PTPN5: variants seen among roughly 807,000 people sequenced by gnomAD.
PTPN5 encodes the protein protein tyrosine phosphatase non-receptor type 5, also known as tyrosine-protein phosphatase non-receptor type 5.
In PTPN5, 29 loss-of-function variants were observed where a neutral mutation model predicts 73.9. That is an observed-to-expected ratio of 0.39 (90% CI 0.29 to 0.54). The LOEUF (loss-of-function observed/expected upper bound fraction) is 0.54, where lower values mean the gene tolerates loss of function less well. Ranked by LOEUF, PTPN5 falls within the 20% of genes least tolerant of loss-of-function variation. The probability of loss-of-function intolerance (pLI) is 0.65; values close to 1 mark genes in which losing one functional copy is unlikely to be tolerated. For missense variants in PTPN5, 652 were observed against 751.4 expected (o/e 0.87, Z 1.55); for synonymous variants, 267 against 304.7 (o/e 0.88, Z 1.29).
chr11:18,749,747 C>A (rs2134247845), intron 3 of PTPN5, among the ~76,000 whole-genome samples: 1 of 152,304 alleles, frequency 6.6e-6, no homozygotes, highest in East Asian at 1.9e-4. Flanking sequence ...CCAAATCCCA[C>A]CATTGAACTC....
chr11:18,740,370 A>T, intron 8 of PTPN5: 1 of 381,940 alleles, frequency 2.6e-6, no homozygotes, highest in Non-Finnish European at 4.7e-6. Context: ...TGCACATGTT[A>T]TAAGTCTCTT....
intron 3 of PTPN5, among the ~76,000 whole-genome samples, chr11:18,750,651 G>C (rs928807321): frequency 6.6e-6 from 1 of 152,240 alleles, no homozygotes; most frequent in Non-Finnish European, 1.5e-5. Flanking sequence ...CTCCTGTGAA[G>C]AGATGAATCC....
At chr11:18,756,552 C>T (rs1435933541) in intron 3 of PTPN5, among the ~76,000 whole-genome samples, 4 of 151,996 alleles carry the variant, frequency 2.6e-5, no homozygotes, top group Non-Finnish European at 4.4e-5. Context: ...CCGTCTCAGC[C>T]TCCCAAAATG....
intron 9 of PTPN5, among the ~76,000 whole-genome samples, chr11:18,735,897 GA>G (rs1463404602): frequency 6.6e-6 from 1 of 152,188 alleles, no homozygotes; most frequent in Non-Finnish European, 1.5e-5. Context: ...AGAAGATGGA[GA>G]GGAGAGTGTG....
chr11:18,768,631 G>C (rs1277316130), intron 2 of PTPN5, among the ~76,000 whole-genome samples: 3 of 152,136 alleles, frequency 2.0e-5, no homozygotes, highest in Admixed American at 6.6e-5. Flanking sequence ...CTATAAATAA[G>C]CTTCCTAGAA....
intron 1 of PTPN5, among the ~76,000 whole-genome samples, chr11:18,784,302 G>A (rs1354082542): frequency 1.3e-5 from 2 of 152,120 alleles, no homozygotes; most frequent in Non-Finnish European, 2.9e-5. Flanking sequence ...CCATACAATG[G>A]AATATATTCA....
chr11:18,742,221 T>C lies in PTPN5; in HGVS notation c.725+41A>G, dbSNP rs370564475. 2.2e-5 allele frequency: 36 copies of C among 1,610,760 alleles called. No homozygotes were observed. Among genetic ancestry groups the C allele is most frequent in the Non-Finnish European group, 3.1e-5 (36 of 1,178,044 alleles). ...ACTCTTCTGATCAGGAGCTAAGAGC[T>C]CAAGGGCCCGTGGAGCCCACCCCTC... On this transcript the variant is annotated intron_variant, in intron 7 of 14. Transcript: ENST00000358540. The surrounding 1 kb of genome is among the most constrained non-coding windows in gnomAD (Gnocchi z 4.1).
chr11:18,779,017 G>A (rs114600190), intron 1 of PTPN5, among the ~76,000 whole-genome samples: 124 of 152,202 alleles, frequency 8.1e-4, no homozygotes, highest in African/African-American at 2.6e-3. Flanking sequence ...CATCTGCTCC[G>A]CTCCTCATTG....
At chr11:18,766,117 C>CCAT (rs1230844448) in intron 2 of PTPN5, among the ~76,000 whole-genome samples, 93 of 152,114 alleles carry the variant, frequency 6.1e-4, no homozygotes, top group African/African-American at 2.1e-3. Flanking sequence ...ATCATCACAA[C>CCAT]CATCATCATC....
At chr11:18,765,992 T>A in intron 2 of PTPN5, 109 bp from the exon 3 acceptor site, 1 of 818,460 alleles carries the variant, frequency 1.2e-6, no homozygotes, top group Non-Finnish European at 2.1e-6. Context: ...TCCCTTTGAA[T>A]AACCCCACCC....
intron 9 of PTPN5, among the ~76,000 whole-genome samples, chr11:18,736,855 C>T (rs936174683): frequency 3.3e-5 from 5 of 152,184 alleles, no homozygotes; most frequent in African/African-American, 1.2e-4. Flanking sequence ...TCCCTCCCTC[C>T]AGGTAGGGCT....
intron 7 of PTPN5, among the ~76,000 whole-genome samples, chr11:18,741,523 G>A (rs937914109): frequency 2.0e-5 from 3 of 152,206 alleles, no homozygotes; most frequent in Non-Finnish European, 4.4e-5. Flanking sequence ...CACACCCAGT[G>A]TTCTTTCTGT....
intron 1 of PTPN5, among the ~76,000 whole-genome samples, chr11:18,780,578 C>T (rs908599060): frequency 6.6e-6 from 1 of 152,114 alleles, no homozygotes; most frequent in Non-Finnish European, 1.5e-5. Context: ...CACCTCAGCC[C>T]AGGTCTCCTC....
intron 3 of PTPN5, among the ~76,000 whole-genome samples, chr11:18,761,065 T>C (rs1279075560): frequency 6.6e-6 from 1 of 152,230 alleles, no homozygotes; most frequent in African/African-American, 2.4e-5. Context: ...CAGACTGGCC[T>C]GCCCACATGC....
rs375818258 is a variant in PTPN5 at position 18,742,362 on chromosome 11, C to T, written c.625G>A (p.Asp209Asn). 8.1e-6 allele frequency: 13 copies of T among 1,614,002 alleles called. No individual in the cohort carries two copies. Among genetic ancestry groups the T allele is most frequent in the South Asian group, 6.6e-5 (6 of 91,066 alleles). ...EKIEDDFLDL[D>N]PVPETPVFDC... ...AACACAGGAGTCTCGGGCACCGGGT[C>T]GAGGTCCAGGAAGTCATCCTCGATC... is the stretch of plus-strand genomic sequence containing the variant. Residue 209 changes from aspartate (D) to asparagine (N), a missense_variant, in exon 7 of 15, where the codon GAC becomes AAC. Physicochemically the swap from Asp to Asn is conservative, Grantham distance 23 (BLOSUM62 1). This residue lies in a region of PTPN5 where 529 missense variants were observed against 573.9 expected (regional missense o/e 0.92). Transcript: ENST00000358540. This position sits in a 1 kb window ranked among gnomAD's most constrained non-coding sequence, Gnocchi z 4.1.
At position 18,729,089 on chromosome 11, in the gene PTPN5, C is replaced by A. The variant is rs1228322071; in HGVS notation, c.1605-62G>T. On this transcript the variant is annotated intron_variant, in intron 14 of 14. Coordinates refer to ENST00000358540, the MANE Select transcript of PTPN5 (RefSeq NM_006906.2). The surrounding 1 kb of genome is among the most constrained non-coding windows in gnomAD (Gnocchi z 5.2). ...GGAGGGATGGGCTGTGGGAGGTGCCCCAAAAGCCATGGAGTAGCAATCACT... is the reference window on the plus strand; with the variant it reads ...GGAGGGATGGGCTGTGGGAGGTGCCACAAAAGCCATGGAGTAGCAATCACT... 2 of 1,561,142 alleles carry A rather than the reference C, an allele frequency of 1.3e-6. No homozygotes were observed. Among genetic ancestry groups the A allele is most frequent in the East Asian group, 2.2e-5 (1 of 44,518 alleles).
intron 1 of PTPN5, among the ~76,000 whole-genome samples, chr11:18,779,395 C>T (rs916912165): frequency 1.3e-5 from 2 of 152,024 alleles, no homozygotes; most frequent in African/African-American, 2.4e-5. Flanking sequence ...AGGAAAAAAT[C>T]CCAGGTGGGA....
At chr11:18,778,868 T>G (rs906090786) in intron 1 of PTPN5, among the ~76,000 whole-genome samples, 5 of 152,192 alleles carry the variant, frequency 3.3e-5, no homozygotes, top group Non-Finnish European at 7.3e-5. Flanking sequence ...GCCTAGCCTG[T>G]GTTGGTTACA....
At chr11:18,749,302 G>C (rs561390289) in intron 3 of PTPN5, 2 of 491,134 alleles carry the variant, frequency 4.1e-6, no homozygotes, top group African/African-American at 3.9e-5. Flanking sequence ...CAGGATGATG[G>C]GATTTTCCAG....
Sources: allele counts gnomAD v4.1 joint callset (sites outside exome capture counted in the v4.1 genomes callset), GRCh38; gene constraint gnomAD v4.1.1; regional missense constraint gnomAD v4.1.1; non-coding constraint Gnocchi (gnomAD v3.1); transcripts MANE v1.5; gene names NCBI Gene and HGNC (gene_info 2026-07-23, HGNC 2026-07-21).